Variants in DPF3 observed in about 807,000 individuals in gnomAD.
DPF3 encodes the protein zinc finger protein DPF3.
Under a neutral mutation model 56.8 loss-of-function variants are expected in DPF3, and 18 were observed. That is an observed-to-expected ratio of 0.32 (90% CI 0.22 to 0.47). The LOEUF (loss-of-function observed/expected upper bound fraction) is 0.47. Ranked by LOEUF, DPF3 falls within the 20% of genes least tolerant of loss-of-function variation. The probability of loss-of-function intolerance (pLI) is 1.00; values close to 1 mark genes in which losing one functional copy is unlikely to be tolerated. For missense variants in DPF3, 403 were observed against 488.8 expected (o/e 0.82, Z 1.65); for synonymous variants, 188 against 180.2 (o/e 1.04, Z -0.35).
chr14:72,773,130 T>G (rs1275955952), intron 1 of DPF3, among the ~76,000 whole-genome samples: 1 of 112,470 alleles, frequency 8.9e-6, no homozygotes, highest in African/African-American at 3.5e-5. Context: ...TTGGGTTTTT[T>G]GGGTTTTTTT....
chr14:72,698,318 A>G (rs1307720276), intron 6 of DPF3, among the ~76,000 whole-genome samples: 1 of 152,194 alleles, frequency 6.6e-6, no homozygotes, highest in African/African-American at 2.4e-5. Context: ...GAGATATTCA[A>G]TGCTTTATTC....
At chr14:72,764,495 T>TTG in intron 2 of DPF3, among the ~76,000 whole-genome samples, 1 of 130,800 alleles carries the variant, frequency 7.6e-6, no homozygotes, top group African/African-American at 3.0e-5. Flanking sequence ...TTTTTTTTTT[T>TTG]TTTTTTTTTT....
intron 3 of DPF3, among the ~76,000 whole-genome samples, chr14:72,743,976 G>C (rs1359449249): frequency 6.6e-6 from 1 of 152,218 alleles, no homozygotes; most frequent in Non-Finnish European, 1.5e-5. Context: ...CAGATGCCCA[G>C]GCAAGTAGGA....
At chr14:72,698,586 C>T (rs1274732373) in intron 6 of DPF3, among the ~76,000 whole-genome samples, 3 of 152,174 alleles carry the variant, frequency 2.0e-5, no homozygotes, top group African/African-American at 7.2e-5. Context: ...ACTCAGGAGG[C>T]TGTGGTGGGA....
chr14:72,735,234 A>C (rs1889841576), intron 3 of DPF3, among the ~76,000 whole-genome samples: 1 of 152,020 alleles, frequency 6.6e-6, no homozygotes, highest in Admixed American at 6.5e-5. Context: ...CAGATCTTTA[A>C]CTGAGGATGA....
At chr14:72,706,193 T>TC (rs900220421) in intron 6 of DPF3, among the ~76,000 whole-genome samples, 2 of 152,090 alleles carry the variant, frequency 1.3e-5, no homozygotes, top group Non-Finnish European at 2.9e-5. Flanking sequence ...TATTACCTCT[T>TC]CCCCCTACCC....
chr14:72,817,620 G>T (rs1883347291), intron 1 of DPF3, among the ~76,000 whole-genome samples: 2 of 152,188 alleles, frequency 1.3e-5, no homozygotes, highest in South Asian at 4.1e-4. Context: ...GGATGTTTCA[G>T]TGAGCCAAGA....
intron 1 of DPF3, among the ~76,000 whole-genome samples, chr14:72,819,015 T>C (rs1217058471): frequency 6.6e-6 from 1 of 152,198 alleles, no homozygotes; most frequent in Non-Finnish European, 1.5e-5. Context: ...ACTCTAGCAA[T>C]TTAGTAATAA....
intron 1 of DPF3, among the ~76,000 whole-genome samples, chr14:72,848,204 C>T (rs1884836536): frequency 6.6e-6 from 1 of 152,126 alleles, no homozygotes; most frequent in Admixed American, 6.5e-5. Context: ...GTCGCCCAGG[C>T]TGGAGTGCAA....
intron 8 of DPF3, among the ~76,000 whole-genome samples, chr14:72,651,236 G>A (rs1347682820): frequency 2.0e-5 from 3 of 152,190 alleles, no homozygotes; most frequent in Admixed American, 2.0e-4. Flanking sequence ...TTGGCATCGT[G>A]CTCCGGGGCT....
At chr14:72,764,484 G>GTTTTTTTTTT (rs57886183) in intron 2 of DPF3, among the ~76,000 whole-genome samples, 1 of 52,792 alleles carries the variant, frequency 1.9e-5, no homozygotes, top group Non-Finnish European at 3.3e-5. Context: ...TTCCTGAGTT[G>GTTTTTTTTTT]TTTTTTTTTT....
chr14:72,843,844 T>C (rs1203694782), intron 1 of DPF3, among the ~76,000 whole-genome samples: 1 of 152,198 alleles, frequency 6.6e-6, no homozygotes, highest in Non-Finnish European at 1.5e-5. Context: ...ACCCAGCCAA[T>C]AGCTGCTAAG....
At chr14:72,651,969 G>A (rs1015964078) in intron 8 of DPF3, among the ~76,000 whole-genome samples, 1 of 152,166 alleles carries the variant, frequency 6.6e-6, no homozygotes, top group African/African-American at 2.4e-5. Flanking sequence ...GCCAGGATGG[G>A]TTCTCCCTGG....
intron 1 of DPF3, among the ~76,000 whole-genome samples, chr14:72,867,370 C>A: frequency 6.6e-6 from 1 of 152,120 alleles, no homozygotes; most frequent in East Asian, 1.9e-4. Context: ...CCTCTGGTGT[C>A]ACGTCTAGAT....
intron 1 of DPF3, among the ~76,000 whole-genome samples, chr14:72,859,328 C>T (rs1324293965): frequency 6.6e-6 from 1 of 151,930 alleles, no homozygotes; most frequent in Non-Finnish European, 1.5e-5. Flanking sequence ...CTTTCAAGGC[C>T]AACAGGGAAG....
At chr14:72,634,768 C>A (rs1335612260) in intron 8 of DPF3, among the ~76,000 whole-genome samples, 3 of 151,832 alleles carry the variant, frequency 2.0e-5, no homozygotes, top group Admixed American at 1.3e-4. Flanking sequence ...CCCCAGTTTT[C>A]TTTAGAGCAA....
At chr14:72,644,790 A>G (rs902439198) in intron 8 of DPF3, among the ~76,000 whole-genome samples, 2 of 152,158 alleles carry the variant, frequency 1.3e-5, no homozygotes, top group African/African-American at 4.8e-5. Flanking sequence ...ACCATCAACC[A>G]TCTCTAAAAT....
intron 1 of DPF3, among the ~76,000 whole-genome samples, chr14:72,881,075 G>A (rs1002069094): frequency 1.3e-4 from 20 of 152,332 alleles, no homozygotes; most frequent in African/African-American, 4.8e-4. Flanking sequence ...AGGAAGACTT[G>A]ACTGAACGTA....
At chr14:72,860,844 G>A (rs945087492) in intron 1 of DPF3, among the ~76,000 whole-genome samples, 3 of 151,838 alleles carry the variant, frequency 2.0e-5, no homozygotes, top group Non-Finnish European at 4.4e-5. Context: ...GGGATTACAG[G>A]CATGAGCCAC....
Sources: gnomAD v4.1 joint callset for allele counts (sites outside exome capture counted in the v4.1 genomes callset) on GRCh38, gnomAD v4.1.1 for gene constraint, MANE v1.5 for transcripts, NCBI Gene and HGNC (gene_info 2026-07-23, HGNC 2026-07-21) for gene names.